The following MYO9A variants were observed in gnomAD, a reference collection of about 807,000 sequenced individuals.
MYO9A encodes myosin IXA.
Under a neutral mutation model 293.3 loss-of-function variants are expected in MYO9A, and 103 were observed. The ratio of observed to expected loss-of-function variants is 0.35; its 90% CI spans 0.30 to 0.41. MYO9A has a LOEUF of 0.41. Among genes scored for constraint, MYO9A ranks in the 10% least tolerant of loss-of-function variants. The pLI is 1.00. For synonymous variants in MYO9A, 1,001 were observed against 1,035.7 expected (o/e 0.97, Z 0.64); for missense variants, 2,685 against 3,033.0 (o/e 0.89, Z 2.69).
At chr15:71,847,802 A>G (rs1032640864) in intron 39 of MYO9A, among the ~76,000 whole-genome samples, 1 of 152,184 alleles carries the variant, frequency 6.6e-6, no homozygotes, top group African/African-American at 2.4e-5. Flanking sequence ...TTTATTTAAT[A>G]TCTTTACTGC....
At chr15:71,877,144 G>C (rs1339338760) in intron 31 of MYO9A, among the ~76,000 whole-genome samples, 1 of 152,130 alleles carries the variant, frequency 6.6e-6, no homozygotes, top group South Asian at 2.1e-4. Context: ...TATTTCATCT[G>C]GGGTACTGAA....
intron 1 of MYO9A, among the ~76,000 whole-genome samples, chr15:72,087,822 T>C (rs1255051355): frequency 1.3e-5 from 2 of 152,202 alleles, no homozygotes; most frequent in East Asian, 3.8e-4. Context: ...CTTCTATTCT[T>C]TTCTGCTGTT....
rs1300489334 is a variant in MYO9A, at chr15:71,892,853, T to TC, written c.5142+825dup. On this transcript the variant is annotated intron_variant, in intron 26 of 41. Transcript: ENST00000356056. ...CTTAGTTGCTGTGTTCACTGAGGTTTCCCATGCACAAACCATTACATGGGA... is the reference window on the plus strand; with the variant it reads ...CTTAGTTGCTGTGTTCACTGAGGTTTCCCCATGCACAAACCATTACATGGGA... 9 of 594,460 alleles carry TC rather than the reference T, an allele frequency of 1.5e-5. No individual in the cohort carries two copies. In the Admixed American group the frequency reaches 2.8e-4, roughly 18 times the overall value. 36.8% of individuals were successfully genotyped at this position (594,460 alleles called of 1,614,324 possible).
At chr15:71,979,287 T>C (rs1457841131) in intron 11 of MYO9A, among the ~76,000 whole-genome samples, 3 of 152,126 alleles carry the variant, frequency 2.0e-5, no homozygotes, top group Admixed American at 2.0e-4. Flanking sequence ...GAAATAGTCA[T>C]ATAAAGGTCA....
chr15:71,948,959 G>GGC (rs2058989327), intron 15 of MYO9A, among the ~76,000 whole-genome samples: 1 of 144,594 alleles, frequency 6.9e-6, no homozygotes, highest in Admixed American at 6.9e-5. Context: ...TGTGAGGGGG[G>GGC]GGGATGTGAC....
At chr15:72,103,317 CA>C (rs1205212396) in intron 1 of MYO9A, among the ~76,000 whole-genome samples, 2 of 118,008 alleles carry the variant, frequency 1.7e-5, no homozygotes, top group Non-Finnish European at 1.8e-5. Flanking sequence ...GAAGCAGCAG[CA>C]AGCAGCAGCA....
chr15:72,098,742 CAGG>C (rs1180165046), intron 1 of MYO9A, among the ~76,000 whole-genome samples: 2 of 151,588 alleles, frequency 1.3e-5, no homozygotes, highest in Non-Finnish European at 2.9e-5. Flanking sequence ...GGGGCTGAGG[CAGG>C]AGGGTTACTT....
chr15:71,830,222 C>G lies in MYO9A; in HGVS notation c.6927G>C (p.Glu2309Asp). The G allele has an allele frequency of 6.2e-7, 1 of 1,614,112 alleles. No homozygotes were observed. Among genetic ancestry groups the G allele is most frequent in the Non-Finnish European group, 8.5e-7 (1 of 1,180,002 alleles). The change falls in exon 40 of 42, where the codon GAG becomes GAC. Residue 2309 changes from glutamate to aspartate, a missense_variant. Transcript: ENST00000356056. ...CCATGGCTGCCTCACTAGTCAAGGTCTCCTCTGAGACATCAGACACAGAAG... is the reference window on the plus strand; with the variant it reads ...CCATGGCTGCCTCACTAGTCAAGGTGTCCTCTGAGACATCAGACACAGAAG... Reference protein sequence around the residue: ...RLPSVSDVSEETLTSEAAMET... With the variant: ...RLPSVSDVSEDTLTSEAAMET...
At chr15:72,012,682 G>C (rs1238137894) in intron 6 of MYO9A, among the ~76,000 whole-genome samples, 1 of 152,052 alleles carries the variant, frequency 6.6e-6, no homozygotes, top group Non-Finnish European at 1.5e-5. Context: ...CTTCCCCCTA[G>C]TCTCAAAACA....
chr15:72,001,159 A>G (rs2076853450), intron 8 of MYO9A, among the ~76,000 whole-genome samples: 1 of 152,220 alleles, frequency 6.6e-6, no homozygotes, highest in African/African-American at 2.4e-5. Flanking sequence ...GATGATGGGC[A>G]TGAAGTGGTA....
chr15:72,067,934 C>T (rs1172860730), intron 1 of MYO9A, among the ~76,000 whole-genome samples: 1 of 151,998 alleles, frequency 6.6e-6, no homozygotes, highest in Admixed American at 6.6e-5. Flanking sequence ...CTGTAGAAAC[C>T]CCCTCAAGTT....
chr15:71,836,815 C>A (rs1056244319), intron 39 of MYO9A, among the ~76,000 whole-genome samples: 1 of 151,942 alleles, frequency 6.6e-6, no homozygotes, highest in African/African-American at 2.4e-5. Context: ...TAAAGTAAGT[C>A]ATTAATGTAA....
At chr15:71,983,682 C>T (rs923644082) in intron 11 of MYO9A, among the ~76,000 whole-genome samples, 2 of 151,246 alleles carry the variant, frequency 1.3e-5, no homozygotes, top group African/African-American at 4.9e-5. Flanking sequence ...GGGGTTTCAC[C>T]ATGTTGGCCA....
chr15:72,047,774 CTTTTTT>C (rs11397735), intron 1 of MYO9A, among the ~76,000 whole-genome samples: 3 of 74,396 alleles, frequency 4.0e-5, no homozygotes, highest in Admixed American at 4.7e-4. Context: ...CAGTTACTTC[CTTTTTT>C]TTTTTTTTTT....
At chr15:71,943,908 T>C (rs1235385838) in intron 15 of MYO9A, among the ~76,000 whole-genome samples, 2 of 152,096 alleles carry the variant, frequency 1.3e-5, no homozygotes, top group Non-Finnish European at 2.9e-5. Flanking sequence ...ATGAAACATA[T>C]GGGAAAAATA....
chr15:71,933,329 T>G (rs1028142413), intron 18 of MYO9A, among the ~76,000 whole-genome samples: 1 of 152,106 alleles, frequency 6.6e-6, no homozygotes, highest in Non-Finnish European at 1.5e-5. Context: ...AATCAGAAAT[T>G]ATTTTAAAAT....
chr15:72,091,593 A>T (rs952379847), intron 1 of MYO9A, among the ~76,000 whole-genome samples: 1 of 152,286 alleles, frequency 6.6e-6, no homozygotes, highest in East Asian at 1.9e-4. Context: ...TCTGAGCCTT[A>T]ATTTCTTCAT....
In MYO9A at chr15:71,826,507, G is replaced by GTGAT; in HGVS notation, c.*69_*72dup. The GTGAT allele has an allele frequency of 7.3e-7, 1 of 1,376,246 alleles. No individual in the cohort carries two copies. The allele number at this position is 1,376,246 out of a possible 1,614,324, so 85.3% of individuals were successfully genotyped here. On this transcript the variant is annotated 3_prime_UTR_variant, in exon 42 of 42. Coordinates refer to ENST00000356056, the MANE Select transcript of MYO9A (RefSeq NM_006901.4). Reference sequence around the variant, plus strand: ...ATTAGGATTGACTATTGTGGACGAGGTGATGAAACGCAGCCCCAAAGGTGA... The same window carrying GTGAT: ...ATTAGGATTGACTATTGTGGACGAGGTGATTGATGAAACGCAGCCCCAAAGGTGA...
At chr15:71,840,311 G>GACTT (rs2055101054) in intron 39 of MYO9A, among the ~76,000 whole-genome samples, 1 of 152,168 alleles carries the variant, frequency 6.6e-6, no homozygotes, top group African/African-American at 2.4e-5. Flanking sequence ...CCTGAGTTGT[G>GACTT]ACTTAGAAGC....
Sources: gnomAD v4.1 joint callset for allele counts (sites outside exome capture counted in the v4.1 genomes callset) on GRCh38, gnomAD v4.1.1 for gene constraint, MANE v1.5 for transcripts, NCBI Gene and HGNC (gene_info 2026-07-23, HGNC 2026-07-21) for gene names.